Variants in GMDS observed in about 807,000 individuals in gnomAD.
GMDS encodes GDP-mannose 4,6 dehydratase.
Under a neutral mutation model 49.9 loss-of-function variants are expected in GMDS, and 20 were observed. The observed-to-expected ratio is 0.40, with a 90% CI of 0.28 to 0.58. The LOEUF is 0.58. Ranked by LOEUF, GMDS falls within the 20% of genes least tolerant of loss-of-function variation. The pLI is 0.42. For missense variants in GMDS, 362 were observed against 481.4 expected, an observed-to-expected ratio of 0.75 and a Z score of 2.32; for synonymous variants, 177 against 178.6, an observed-to-expected ratio of 0.99 and a Z score of 0.07.
intron 1 of GMDS, among the ~76,000 whole-genome samples, chr6:2,127,912 A>G (rs548084839): frequency 1.3e-4 from 20 of 152,366 alleles, no homozygotes; most frequent in African/African-American, 4.8e-4. Flanking sequence ...TTAAGTTCTG[A>G]CGCTTGACTC....
rs576870993 is a variant in GMDS, at chr6:2,030,374, A to C, written c.346-69408T>G. ...CTGGTGGTTGTAAAGCACCTGGAGGAAATTTTGCTGTTCTTTCTCCAGCAT... is the reference window on the plus strand; with the variant it reads ...CTGGTGGTTGTAAAGCACCTGGAGGCAATTTTGCTGTTCTTTCTCCAGCAT... On this transcript the variant is annotated intron_variant, in intron 4 of 10. Transcript: ENST00000380815. Among the ~76,000 whole-genome samples the C allele has an allele frequency of 4.6e-5, 7 of 152,288 alleles. No homozygotes were observed. The East Asian group carries it at 1.2e-3, about 25-fold the overall frequency.
intron 1 of GMDS, among the ~76,000 whole-genome samples, chr6:2,192,615 T>C (rs1012908678): frequency 6.6e-6 from 1 of 152,208 alleles, no homozygotes; most frequent in Admixed American, 6.5e-5. Flanking sequence ...TTGCATTCCT[T>C]GGTGCCAGCT....
At chr6:1,674,045 T>C (rs775958219) in intron 9 of GMDS, among the ~76,000 whole-genome samples, 9 of 151,010 alleles carry the variant, frequency 6.0e-5, no homozygotes, top group South Asian at 2.1e-4. Context: ...GGTAAATACA[T>C]AGCCGCGAGG....
In GMDS at chr6:1,750,815, T is replaced by A. The variant is rs946768532; in HGVS notation, c.772-8229A>T. Among the ~76,000 whole-genome samples, 3 of 152,072 alleles carry A rather than the reference T, an allele frequency of 2.0e-5. 1 individual carries two copies. The highest frequency in any genetic ancestry group is 2.0e-4 in the Admixed American group (3 of 15,268). The stretch of plus-strand genomic sequence containing the variant: ...CCCCATGGTGCCCAGCAAGCTAAGA[T>A]CCGCTGGCTTGAAATTCCCGCTGCC... On this transcript the variant is annotated intron_variant, in intron 7 of 10. Transcript: ENST00000380815.
chr6:1,863,041 T>A (rs991577317), intron 7 of GMDS, among the ~76,000 whole-genome samples: 5 of 152,186 alleles, frequency 3.3e-5, no homozygotes, highest in African/African-American at 1.2e-4. Flanking sequence ...ACATGTAAAA[T>A]GTTTGCATTT....
intron 7 of GMDS, among the ~76,000 whole-genome samples, chr6:1,886,104 G>A (rs1018153604): frequency 2.6e-5 from 4 of 152,056 alleles, no homozygotes; most frequent in South Asian, 2.1e-4. Flanking sequence ...TCCTCCTCCC[G>A]TCCTCCCAAA....
intron 1 of GMDS, among the ~76,000 whole-genome samples, chr6:2,163,281 G>A (rs1444440096): frequency 6.6e-6 from 1 of 152,126 alleles, no homozygotes; most frequent in Admixed American, 6.5e-5. Flanking sequence ...AATCACCAAG[G>A]AAAAGTCAGA....
At chr6:1,935,175 G>T (rs1369318768) in intron 6 of GMDS, among the ~76,000 whole-genome samples, 1 of 152,166 alleles carries the variant, frequency 6.6e-6, no homozygotes, top group Non-Finnish European at 1.5e-5. Flanking sequence ...AGCCAGCTCT[G>T]TTAGTAACCA....
chr6:2,176,064 C>A, intron 1 of GMDS: 1 of 1,327,814 alleles, frequency 7.5e-7, no homozygotes, highest in South Asian at 1.3e-5. Context: ...GCAGATGTGA[C>A]TACAGCTAAA....
At chr6:1,878,314 CA>C (rs11463549) in intron 7 of GMDS, among the ~76,000 whole-genome samples, 24,997 of 72,036 alleles carry the variant, frequency 0.35, 1,659 homozygotes, top group Non-Finnish European at 0.42. Flanking sequence ...GAATCCATCT[CA>C]AAAAAAAAAA....
chr6:1,736,075 G>T (rs1275509153), intron 8 of GMDS, among the ~76,000 whole-genome samples: 1 of 152,106 alleles, frequency 6.6e-6, no homozygotes, highest in East Asian at 1.9e-4. Flanking sequence ...AAATGGGCCC[G>T]CGACCTGGTG....
chr6:1,735,275 C>T (rs530408840), intron 8 of GMDS, among the ~76,000 whole-genome samples: 1 of 152,370 alleles, frequency 6.6e-6, no homozygotes, highest in African/African-American at 2.4e-5. Flanking sequence ...CTTCACCAAG[C>T]ACCCGCTAGG....
rs145116453 is a variant in GMDS at position 1,732,406 on chromosome 6, T to C, written c.891-5894A>G. On this transcript the variant is annotated intron_variant, in intron 8 of 10. Coordinates refer to ENST00000380815, the MANE Select transcript of GMDS (RefSeq NM_001500.4). ...GCATAGCATTCGTCAGTCATGGTAA[T>C]GTAGCACTAAATATTGACTTGACTC... 2.3e-3 allele frequency among the ~76,000 whole-genome samples: 345 copies of C among 152,284 alleles called. 3 individuals are homozygous for C. Among genetic ancestry groups the C allele is most frequent in the African/African-American group, 7.9e-3 (330 of 41,536 alleles).
chr6:1,782,596 G>C (rs1251383600), intron 7 of GMDS, among the ~76,000 whole-genome samples: 1 of 152,186 alleles, frequency 6.6e-6, no homozygotes, highest in Non-Finnish European at 1.5e-5. Context: ...AGAGACTTTG[G>C]ATAGACATGC....
At position 1,624,475 on chromosome 6, in the gene GMDS, G is replaced by A. The variant is rs1188237052; in HGVS notation, c.1053C>T (p.Phe351=). The part of the protein sequence containing the change: ...QKLNWKPRVA[F]DELVREMVHA... ...GTGCGCCCTAAGAGATACTCACATC[G>A]AAAGCGACCCGGGGCTTCCAGTTCA... The change falls in exon 10 of 11, where the codon TTC becomes TTT. Residue 351 remains phenylalanine, a synonymous_variant. Coordinates refer to ENST00000380815, the MANE Select transcript of GMDS (RefSeq NM_001500.4). The A allele has an allele frequency of 5.0e-6, 8 of 1,609,446 alleles. No homozygotes were observed. The South Asian group carries it at 6.6e-5, about 13-fold the overall frequency.
chr6:1,924,069 G>C (rs912169722), intron 7 of GMDS, among the ~76,000 whole-genome samples: 9 of 152,176 alleles, frequency 5.9e-5, no homozygotes, highest in Admixed American at 2.0e-4. Flanking sequence ...TTCTTTACCT[G>C]ATACAGCCAA....
chr6:2,051,509 T>C (rs1020549482), intron 4 of GMDS, among the ~76,000 whole-genome samples: 1 of 152,226 alleles, frequency 6.6e-6, no homozygotes, highest in African/African-American at 2.4e-5. Context: ...AATTGGCTAA[T>C]ATTATGTTAG....
chr6:2,198,344 G>A (rs1270811650), intron 1 of GMDS, among the ~76,000 whole-genome samples: 3 of 151,918 alleles, frequency 2.0e-5, no homozygotes, highest in Admixed American at 6.6e-5. Flanking sequence ...CCTCAAAATA[G>A]GAAAAAAATA....
intron 7 of GMDS, among the ~76,000 whole-genome samples, chr6:1,873,905 T>A (rs1385682292): frequency 6.6e-6 from 1 of 152,212 alleles, no homozygotes; most frequent in Non-Finnish European, 1.5e-5. Flanking sequence ...AATCCTCTTA[T>A]ACCACACACT....
Sources: allele counts gnomAD v4.1 joint callset (sites outside exome capture counted in the v4.1 genomes callset), GRCh38; gene constraint gnomAD v4.1.1; transcripts MANE v1.5; gene names NCBI Gene and HGNC (gene_info 2026-07-23, HGNC 2026-07-21).